WNT8A: variants seen among roughly 807,000 people sequenced by gnomAD.
WNT8A encodes the protein protein Wnt-8a.
WNT8A carries 14 observed loss-of-function variants against 20.5 expected under a neutral mutation model. The ratio of observed to expected loss-of-function variants is 0.68; its 90% CI spans 0.45 to 1.07. WNT8A has a LOEUF of 1.07. WNT8A is among the 50% of genes least tolerant of loss of function. The pLI is 0.00. For synonymous variants in WNT8A, 167 were observed against 169.2 expected (o/e 0.99, Z 0.10); for missense variants, 397 against 462.9 (o/e 0.86, Z 1.31).
downstream of WNT8A, among the ~76,000 whole-genome samples, chr5:138,091,825 TAAAA>T (rs1190041796): frequency 1.4e-5 from 2 of 146,032 alleles, no homozygotes; most frequent in Non-Finnish European, 3.0e-5. Flanking sequence ...AGACCCTGAC[TAAAA>T]AATAAATAAA....
chr5:138,084,403 T>C, intron 1 of WNT8A, 95 bp from the exon 2 acceptor site: 1 of 1,549,636 alleles, frequency 6.5e-7, no homozygotes, highest in South Asian at 1.2e-5. Flanking sequence ...TGGTTGATTC[T>C]TAATGGAGAG....
chr5:138,078,663 A>G, the WNT8A span, among the ~76,000 whole-genome samples: 1 of 152,196 alleles, frequency 6.6e-6, no homozygotes, highest in African/African-American at 2.4e-5. Flanking sequence ...TGGGCAAACC[A>G]GGATGCTGGA....
Position 138,091,007 on chromosome 5 carries a change from G to T in WNT8A, c.1044G>T (p.Val348=). The T allele has an allele frequency of 6.2e-7, 1 of 1,614,156 alleles. No individual in the cohort carries two copies. Among genetic ancestry groups the T allele is most frequent in the Non-Finnish European group, 8.5e-7 (1 of 1,180,040 alleles). ...TCAAGTGTGACCAGTGTAGGCATGT[G>T]GTGAGCAAGTATTACTGCGCACGCT... ...CTVKCDQCRH[V]VSKYYCARSP... Residue 348 remains valine, a synonymous_variant, in exon 5 of 5, where the codon GTG becomes GTT. Transcript: ENST00000506684.
chr5:138,087,758 G>A, intron 2 of WNT8A, 48 bp from the exon 3 acceptor site: 1 of 1,599,846 alleles, frequency 6.3e-7, no homozygotes, highest in Non-Finnish European at 8.5e-7. Flanking sequence ...CTCTGCTTTG[G>A]GTAATCAGGG....
chr5:138,083,282 CAA>C (rs5871664), upstream of WNT8A, among the ~76,000 whole-genome samples: 375 of 124,580 alleles, frequency 3.0e-3, no homozygotes, highest in African/African-American at 4.4e-3. Flanking sequence ...GACTCTGTCT[CAA>C]AAAAAAAAAA....
At position 138,084,046 on chromosome 5, in the gene WNT8A, AC is replaced by A. The variant is rs752721344; in HGVS notation, c.-81del. On this transcript the variant is annotated 5_prime_UTR_variant, in exon 1 of 5. Transcript: ENST00000506684. ...CCCTGCCCTCTCCTCACTTCTCTGG[AC>A]TTGGCCCTGAGCTGGACCTGGTCCA... 1 of 1,588,580 alleles carries A rather than the reference AC, an allele frequency of 6.3e-7. No homozygotes were observed. The highest frequency in any genetic ancestry group is 1.3e-5 in the African/African-American group (1 of 74,386).
In WNT8A at chr5:138,090,926, G is replaced by C. The variant is rs775977427; in HGVS notation, c.963G>C (p.Glu321Asp). 31 of 1,614,126 alleles carry C rather than the reference G, an allele frequency of 1.9e-5. No homozygotes were observed. Among genetic ancestry groups the C allele is most frequent in the Non-Finnish European group, 2.5e-5 (29 of 1,180,056 alleles). The change falls in exon 5 of 5, where the codon GAG becomes GAC. Residue 321 changes from glutamate (E) to aspartate (D), a missense_variant. By Grantham distance (45) the Glu-to-Asp change is conservative. Coordinates refer to ENST00000506684, the MANE Select transcript of WNT8A (RefSeq NM_001300939.2). ...LCTECGLQVE[E>D]RKTEVISSCN... is the part of the protein sequence containing the mutation. The stretch of plus-strand genomic sequence containing the variant: ...CTGAGTGTGGGCTGCAGGTGGAAGA[G>C]AGGAAAACTGAGGTCATAAGCAGCT...
chr5:138,082,451 T>C (rs531744218), upstream of WNT8A, among the ~76,000 whole-genome samples: 145 of 152,194 alleles, frequency 9.5e-4, no homozygotes, highest in Middle Eastern at 6.8e-3. Context: ...TGGTGGCACA[T>C]GCCTGTAATC....
At chr5:138,083,872 G>A (rs1184761670), upstream of WNT8A, 8 of 481,996 alleles carry the variant, frequency 1.7e-5, no homozygotes, top group South Asian at 4.8e-5. Flanking sequence ...TGGGCAGGGC[G>A]GGGCTTTTGG....
intron 3 of WNT8A, 110 bp downstream of exon 3, chr5:138,088,041 A>AGACTCCAGC: frequency 6.8e-7 from 1 of 1,471,928 alleles, no homozygotes; most frequent in Non-Finnish European, 9.1e-7. Context: ...TTAAACCTCA[A>AGACTCCAGC]GACTCCAGCA....
At chr5:138,085,398 G>C (rs1356961719) in intron 2 of WNT8A, among the ~76,000 whole-genome samples, 2 of 152,194 alleles carry the variant, frequency 1.3e-5, no homozygotes, top group African/African-American at 4.8e-5. Flanking sequence ...GAAAAGCTGA[G>C]ACGTCACATT....
intron 2 of WNT8A, among the ~76,000 whole-genome samples, chr5:138,087,523 C>T (rs765422773): frequency 4.9e-5 from 7 of 142,952 alleles, no homozygotes; most frequent in Non-Finnish European, 7.6e-5. Flanking sequence ...CATGGTGGCA[C>T]GCACCTGTAG....
At chr5:138,087,649 C>A (rs1178876168) in intron 2 of WNT8A, among the ~76,000 whole-genome samples, 157 bp from the exon 3 acceptor site, 37 of 70,228 alleles carry the variant, frequency 5.3e-4, no homozygotes, top group African/African-American at 7.2e-4. Flanking sequence ...GAGCGAGTCT[C>A]AAAAAAAAAA....
At chr5:138,080,451 T>TTTTTTTTTTTTTTTTTTG (rs1750479420), upstream of WNT8A, among the ~76,000 whole-genome samples, 1 of 93,706 alleles carries the variant, frequency 1.1e-5, no homozygotes, top group Non-Finnish European at 2.3e-5. Flanking sequence ...CTTGTTTTTT[T>TTTTTTTTTTTTTTTTTTG]TTTTTTTTTT....
upstream of WNT8A, among the ~76,000 whole-genome samples, chr5:138,080,459 T>TTTTTGTTG (rs1750481627): frequency 7.9e-6 from 1 of 126,874 alleles, no homozygotes; most frequent in Non-Finnish European, 1.7e-5. Flanking sequence ...TTTTTTTTTT[T>TTTTTGTTG]TTTTTTTTTG....
At chr5:138,080,770 TG>T (rs1417454542), upstream of WNT8A, among the ~76,000 whole-genome samples, 1 of 152,070 alleles carries the variant, frequency 6.6e-6, no homozygotes, top group Non-Finnish European at 1.5e-5. Flanking sequence ...CCAGCCCAGC[TG>T]GGAAAGTCTT....
upstream of WNT8A, among the ~76,000 whole-genome samples, chr5:138,080,454 T>TTTTTTTTG (rs1561572111): frequency 8.2e-5 from 8 of 97,160 alleles, no homozygotes; most frequent in South Asian, 2.7e-4. Context: ...GTTTTTTTTT[T>TTTTTTTTG]TTTTTTTTTT....
At chr5:138,088,359 C>CTT (rs36126596) in intron 3 of WNT8A, among the ~76,000 whole-genome samples, 271 of 140,672 alleles carry the variant, frequency 1.9e-3, no homozygotes, top group South Asian at 3.6e-3. Flanking sequence ...TGCAGTGAAC[C>CTT]TTTTTTTTTT....
chr5:138,079,603 C>A (rs1187132228), upstream of WNT8A, among the ~76,000 whole-genome samples: 1 of 152,090 alleles, frequency 6.6e-6, no homozygotes, highest in African/African-American at 2.4e-5. Flanking sequence ...GCTCCTGCCA[C>A]ACCCAAGCCA....
Sources: allele counts gnomAD v4.1 joint callset (sites outside exome capture counted in the v4.1 genomes callset), GRCh38; gene constraint gnomAD v4.1.1; transcripts MANE v1.5; gene names NCBI Gene and HGNC (gene_info 2026-07-23, HGNC 2026-07-21).